The following DCDC1 variants were observed in gnomAD, a reference collection of about 807,000 sequenced individuals.
The protein encoded by DCDC1 is doublecortin domain-containing protein 1.
A neutral mutation model predicts 178.3 loss-of-function variants in DCDC1; 200 were observed. The observed-to-expected ratio is 1.12, with a 90% CI of 1.00 to 1.26. DCDC1 has a LOEUF of 1.26. Among genes scored for constraint, DCDC1 ranks in the 50% most tolerant of loss-of-function variants. The pLI, the probability that DCDC1 is intolerant of heterozygous loss-of-function variation, is 0.00. For missense variants in DCDC1, 1,983 were observed against 1,749.2 expected, an observed-to-expected ratio of 1.13 and a Z score of -2.38; for synonymous variants, 690 against 604.8, an observed-to-expected ratio of 1.14 and a Z score of -2.07.
chr11:31,047,044 C>A lies in DCDC1; in HGVS notation c.2591+17425G>T, dbSNP rs1418877761. On this transcript the variant is annotated intron_variant, in intron 20 of 38. Transcript: ENST00000684477. ...CCAAACACACAGCCATCCATTCTTTCCCACACTCTTGGCATTTGTGAGGTG... is the reference window on the plus strand; with the variant it reads ...CCAAACACACAGCCATCCATTCTTTACCACACTCTTGGCATTTGTGAGGTG... Among the ~76,000 whole-genome samples the A allele has an allele frequency of 2.6e-5, 4 of 152,232 alleles. No homozygotes were observed. The South Asian group carries it at 8.3e-4, about 32-fold the overall frequency.
At chr11:31,118,129 G>A (rs1960248233) in intron 11 of DCDC1, among the ~76,000 whole-genome samples, 2 of 152,010 alleles carry the variant, frequency 1.3e-5, no homozygotes, top group East Asian at 3.9e-4. Flanking sequence ...AATGAACATT[G>A]TAGGATTAAA....
rs952150522 is a variant in DCDC1, at chr11:31,181,185, A to G, written c.1222-43401T>C. ...CCTAGATTCCTCCTCTCTGGGCAGG[A>G]CATATCTGAAAGAAAGGCAGCAGCT... On this transcript the variant is annotated intron_variant, in intron 9 of 38. Transcript: ENST00000684477. Among the ~76,000 whole-genome samples, 8 of 152,208 alleles carry G rather than the reference A, an allele frequency of 5.3e-5. No individual in the cohort carries two copies. In the South Asian group the frequency reaches 8.3e-4, roughly 16 times the overall value.
intron 20 of DCDC1, among the ~76,000 whole-genome samples, chr11:30,968,927 A>G (rs901435180): frequency 1.3e-5 from 2 of 151,666 alleles, no homozygotes; most frequent in Admixed American, 6.6e-5. Flanking sequence ...CTTTACTTCT[A>G]AGTAAGAGAT....
At chr11:31,047,935 TATACTA>T (rs1474911238) in intron 20 of DCDC1, among the ~76,000 whole-genome samples, 2 of 152,348 alleles carry the variant, frequency 1.3e-5, no homozygotes, top group Admixed American at 1.3e-4. Context: ...TTTTGCACTT[TATACTA>T]ATACTAACAA....
At chr11:30,954,490 C>T (rs1948651061) in intron 20 of DCDC1, among the ~76,000 whole-genome samples, 1 of 152,092 alleles carries the variant, frequency 6.6e-6, no homozygotes, top group African/African-American at 2.4e-5. Flanking sequence ...GTTAATTCAT[C>T]CCATGAAGGG....
rs368121348 is a variant in DCDC1 at position 31,202,288 on chromosome 11, C to T, written c.1221+39162G>A. ...TAAAGCTACACAATTTTATGCCAGG[C>T]GCAATGGCTCACGCCTGTAATCCCA... On this transcript the variant is annotated intron_variant, in intron 9 of 38. Coordinates refer to ENST00000684477, the MANE Select transcript of DCDC1 (RefSeq NM_001387274.1). 4.6e-5 allele frequency among the ~76,000 whole-genome samples: 7 copies of T among 152,032 alleles called. No individual in the cohort carries two copies. In the East Asian group the frequency reaches 1.2e-3, roughly 25 times the overall value.
At chr11:31,299,384 G>C (rs1182907106) in intron 6 of DCDC1, among the ~76,000 whole-genome samples, 2 of 152,062 alleles carry the variant, frequency 1.3e-5, no homozygotes, top group Non-Finnish European at 2.9e-5. Flanking sequence ...CCCTTTCCCT[G>C]AACTTTTCTA....
At chr11:30,944,346 T>C in intron 21 of DCDC1, 1 of 456,690 alleles carries the variant, frequency 2.2e-6, no homozygotes, top group Non-Finnish European at 4.4e-6. Flanking sequence ...ATTGCCTAAA[T>C]ATGTAAGACA....
intron 9 of DCDC1, among the ~76,000 whole-genome samples, chr11:31,153,362 C>A: frequency 6.6e-6 from 1 of 152,146 alleles, no homozygotes; most frequent in East Asian, 1.9e-4. Flanking sequence ...TTATGAGAGA[C>A]TCTCAAAATC....
intron 20 of DCDC1, among the ~76,000 whole-genome samples, chr11:31,021,553 A>C (rs878894124): frequency 1.3e-5 from 2 of 152,180 alleles, no homozygotes; most frequent in Non-Finnish European, 2.9e-5. Context: ...ATATGCATTA[A>C]AAAAATCTCT....
At chr11:31,036,178 C>T (rs986813841) in intron 20 of DCDC1, among the ~76,000 whole-genome samples, 2 of 152,226 alleles carry the variant, frequency 1.3e-5, no homozygotes, top group African/African-American at 4.8e-5. Flanking sequence ...GATCTTGTAT[C>T]TTTCCACACC....
rs184005343 is a variant in DCDC1 at position 31,137,445 on chromosome 11, G to A, written c.1314+247C>T. 3.4e-3 allele frequency among the ~76,000 whole-genome samples: 514 copies of A among 151,712 alleles called. 1 individual carries two copies. Among genetic ancestry groups the A allele is most frequent in the Admixed American group, 9.4e-3 (143 of 15,258 alleles). On this transcript the variant is annotated intron_variant, in intron 10 of 38. Coordinates refer to ENST00000684477, the MANE Select transcript of DCDC1 (RefSeq NM_001387274.1). ...GCTCACTGCAACCTCTGCCTCCCGG[G>A]TTCAAGCGATTCTCCTGCCTCAGCC...
intron 25 of DCDC1, among the ~76,000 whole-genome samples, chr11:30,918,060 G>T (rs183356637): frequency 6.6e-6 from 1 of 151,434 alleles, no homozygotes; most frequent in South Asian, 2.1e-4. Context: ...AAAAACAACA[G>T]CGCCATCTTG....
intron 38 of DCDC1, among the ~76,000 whole-genome samples, chr11:30,866,155 G>T (rs899516579): frequency 6.6e-6 from 1 of 152,144 alleles, no homozygotes; most frequent in Non-Finnish European, 1.5e-5. Flanking sequence ...AAATATGAAG[G>T]CAGGGATTGA....
chr11:31,173,361 C>T (rs899968613), intron 9 of DCDC1, among the ~76,000 whole-genome samples: 14 of 152,184 alleles, frequency 9.2e-5, no homozygotes, highest in African/African-American at 3.1e-4. Flanking sequence ...ATAAGAGTTT[C>T]ACATTTTAAG....
chr11:31,359,082 G>T (rs1166638937), intron 1 of DCDC1, among the ~76,000 whole-genome samples: 3 of 152,104 alleles, frequency 2.0e-5, no homozygotes, highest in Non-Finnish European at 4.4e-5. Flanking sequence ...TCCCATTACT[G>T]GGTATATACC....
At chr11:31,323,615 T>C (rs1336242887) in intron 3 of DCDC1, among the ~76,000 whole-genome samples, 2 of 152,128 alleles carry the variant, frequency 1.3e-5, no homozygotes, top group East Asian at 3.8e-4. Context: ...TTTTTAATAT[T>C]ATCATTTGTA....
intron 9 of DCDC1, among the ~76,000 whole-genome samples, chr11:31,197,018 C>T (rs1970771374): frequency 6.6e-6 from 1 of 152,130 alleles, no homozygotes; most frequent in African/African-American, 2.4e-5. Flanking sequence ...AGAAAAGATG[C>T]TCCTATTACC....
chr11:31,064,537 C>T lies in DCDC1; in HGVS notation c.2523G>A (p.Glu841=). The T allele has an allele frequency of 1.3e-6, 1 of 766,000 alleles. No homozygotes were observed. The highest frequency in any genetic ancestry group is 2.4e-5 in the East Asian group (1 of 41,220). The allele number at this position is 766,000 out of a possible 1,614,324, so 47.5% of individuals were successfully genotyped here. ...THLMPEGSLE[E]TGELTVALVR... is the part of the protein sequence containing the mutation. The stretch of plus-strand genomic sequence containing the variant: ...CCAGTGCTACTGTCAGCTCCCCCGT[C>T]TCCTCAAGAGAACCTTCTGGCATTA... The change falls in exon 20 of 39, where the codon GAG becomes GAA. Residue 841 remains glutamate (E), a synonymous_variant. Transcript: ENST00000684477.
Sources: gnomAD v4.1 joint callset for allele counts (sites outside exome capture counted in the v4.1 genomes callset) on GRCh38, gnomAD v4.1.1 for gene constraint, MANE v1.5 for transcripts, NCBI Gene and HGNC (gene_info 2026-07-23, HGNC 2026-07-21) for gene names.